The following SEMA5A variants were observed in gnomAD, a reference collection of about 807,000 sequenced individuals.
SEMA5A encodes the protein semaphorin-5A.
SEMA5A carries 55 observed loss-of-function variants against 135.5 expected under a neutral mutation model. The ratio of observed to expected loss-of-function variants is 0.41; its 90% CI spans 0.33 to 0.51. SEMA5A has a LOEUF of 0.51. Among genes scored for constraint, SEMA5A ranks in the 20% least tolerant of loss-of-function variants. SEMA5A has a pLI of 0.37. For missense variants in SEMA5A, 1,290 were observed against 1,419.9 expected, an observed-to-expected ratio of 0.91 and a Z score of 1.47; for synonymous variants, 580 against 546.5, an observed-to-expected ratio of 1.06 and a Z score of -0.85.
intron 11 of SEMA5A, among the ~76,000 whole-genome samples, chr5:9,158,032 G>C (rs1743049577): frequency 6.6e-6 from 1 of 152,198 alleles, no homozygotes; most frequent in Non-Finnish European, 1.5e-5. Flanking sequence ...TGTCAGTTGT[G>C]TCATATGATG....
In SEMA5A at chr5:9,042,945, G is replaced by C; in HGVS notation, c.3177C>G (p.Thr1059=). 1 of 1,613,160 alleles carries C rather than the reference G, an allele frequency of 6.2e-7. No individual in the cohort carries two copies. The highest frequency in any genetic ancestry group is 8.5e-7 in the Non-Finnish European group (1 of 1,179,284). Residue 1059 remains threonine, a synonymous_variant, in exon 23 of 23, where the codon ACC becomes ACG. Transcript: ENST00000382496. ...GATCTGTAAAGTAGGCATTAGAATA[G>C]GTCTTCCCAGTGAGATGTGGGTTGA... ...KYFNPHLTGK[T]YSNAYFTDLN... is the part of the protein sequence containing the mutation.
intron 8 of SEMA5A, among the ~76,000 whole-genome samples, chr5:9,211,465 G>A (rs533268457): frequency 7.2e-5 from 11 of 152,138 alleles, no homozygotes; most frequent in African/African-American, 2.4e-4. Flanking sequence ...CTTGTCAGTC[G>A]AGAGAGCACC....
At chr5:9,413,781 C>T (rs1261085911) in intron 2 of SEMA5A, among the ~76,000 whole-genome samples, 1 of 152,088 alleles carries the variant, frequency 6.6e-6, no homozygotes, top group African/African-American at 2.4e-5. Flanking sequence ...ACAAAAGCTC[C>T]ATATGCTCAA....
At chr5:9,500,698 T>C (rs534897262) in intron 1 of SEMA5A, among the ~76,000 whole-genome samples, 1 of 152,352 alleles carries the variant, frequency 6.6e-6, no homozygotes, top group East Asian at 1.9e-4. Context: ...ATGCAGTATA[T>C]AGGGTATACT....
chr5:9,511,081 T>G (rs1011892162), intron 1 of SEMA5A, among the ~76,000 whole-genome samples: 1 of 152,186 alleles, frequency 6.6e-6, no homozygotes, highest in Non-Finnish European at 1.5e-5. Context: ...AATTTTCCAG[T>G]AGTCATTAAT....
At chr5:9,421,356 A>T (rs1271042821) in intron 2 of SEMA5A, among the ~76,000 whole-genome samples, 1 of 152,238 alleles carries the variant, frequency 6.6e-6, no homozygotes, top group Admixed American at 6.5e-5. Flanking sequence ...CATATAATCT[A>T]TACTTGATTG....
intron 5 of SEMA5A, among the ~76,000 whole-genome samples, chr5:9,243,011 A>C (rs934071862): frequency 2.0e-5 from 3 of 152,230 alleles, no homozygotes; most frequent in Non-Finnish European, 4.4e-5. Context: ...ACTTACATTG[A>C]TAAGGAACTG....
At chr5:9,493,370 A>C (rs1735131776) in intron 1 of SEMA5A, among the ~76,000 whole-genome samples, 1 of 151,654 alleles carries the variant, frequency 6.6e-6, no homozygotes, top group Non-Finnish European at 1.5e-5. Context: ...AAGGTTGTAC[A>C]ATCCTACACT....
At chr5:9,074,184 T>C (rs914795853) in intron 16 of SEMA5A, among the ~76,000 whole-genome samples, 3 of 152,192 alleles carry the variant, frequency 2.0e-5, no homozygotes, top group African/African-American at 4.8e-5. Context: ...AGTCTAGGAA[T>C]TGACCCACCT....
intron 1 of SEMA5A, among the ~76,000 whole-genome samples, chr5:9,528,924 T>C (rs1428611685): frequency 6.6e-6 from 1 of 152,198 alleles, no homozygotes; most frequent in East Asian, 1.9e-4. Flanking sequence ...AGTCTCTAGA[T>C]TTCAGGAGAA....
intron 1 of SEMA5A, among the ~76,000 whole-genome samples, chr5:9,452,496 T>C (rs1579564456): frequency 1.3e-5 from 2 of 152,138 alleles, no homozygotes; most frequent in African/African-American, 4.8e-5. Context: ...CTCAGATTAT[T>C]CCAGCCCTGC....
intron 19 of SEMA5A, among the ~76,000 whole-genome samples, chr5:9,052,631 G>T (rs753446754): frequency 2.0e-5 from 3 of 151,984 alleles, no homozygotes; most frequent in Non-Finnish European, 4.4e-5. Flanking sequence ...ATCTTATCTC[G>T]TGTTTGCTGT....
At chr5:9,353,138 A>G (rs1238876483) in intron 3 of SEMA5A, among the ~76,000 whole-genome samples, 5 of 78,024 alleles carry the variant, frequency 6.4e-5, no homozygotes, top group African/African-American at 2.1e-4. Context: ...AAAGGAAAGG[A>G]AAGGAAAGGA....
chr5:9,422,704 G>C (rs1201456208), intron 2 of SEMA5A, among the ~76,000 whole-genome samples: 1 of 152,098 alleles, frequency 6.6e-6, no homozygotes, highest in African/African-American at 2.4e-5. Flanking sequence ...AAATGTATTT[G>C]TCATTCTGTC....
chr5:9,422,101 G>C (rs896828621), intron 2 of SEMA5A, among the ~76,000 whole-genome samples: 15 of 152,334 alleles, frequency 9.8e-5, no homozygotes, highest in African/African-American at 3.6e-4. Context: ...CAGTGAAAGA[G>C]GAACTTGGAA....
chr5:9,161,349 C>T (rs1579511842), intron 11 of SEMA5A, among the ~76,000 whole-genome samples: 1 of 152,092 alleles, frequency 6.6e-6, no homozygotes, highest in East Asian at 1.9e-4. Flanking sequence ...TCTAGACTAG[C>T]ACTGTCCAAT....
At chr5:9,494,833 T>C (rs1003684107) in intron 1 of SEMA5A, among the ~76,000 whole-genome samples, 1 of 152,228 alleles carries the variant, frequency 6.6e-6, no homozygotes, top group African/African-American at 2.4e-5. Flanking sequence ...TTTTGTGCTT[T>C]AGACTAGCAT....
intron 11 of SEMA5A, among the ~76,000 whole-genome samples, chr5:9,175,831 T>G (rs1381183046): frequency 6.6e-6 from 1 of 151,690 alleles, no homozygotes; most frequent in Non-Finnish European, 1.5e-5. Context: ...ACATTTAATT[T>G]TAAACTTTCA....
chr5:9,409,088 T>A (rs1232998593), intron 2 of SEMA5A, among the ~76,000 whole-genome samples: 1 of 152,060 alleles, frequency 6.6e-6, no homozygotes, highest in Non-Finnish European at 1.5e-5. Context: ...GGCAGCAGAG[T>A]TGAAACTAAA....
Sources: allele counts gnomAD v4.1 joint callset (sites outside exome capture counted in the v4.1 genomes callset), GRCh38; gene constraint gnomAD v4.1.1; transcripts MANE v1.5; gene names NCBI Gene and HGNC (gene_info 2026-07-23, HGNC 2026-07-21).